The following CDCA7L variants were observed in gnomAD, a reference collection of about 807,000 sequenced individuals.
The protein encoded by CDCA7L is cell division cycle associated 7 like.
CDCA7L carries 44 observed loss-of-function variants against 57.4 expected under a neutral mutation model. The observed-to-expected ratio is 0.77, with a 90% CI of 0.60 to 0.98. The LOEUF is 0.98. Among genes scored for constraint, CDCA7L ranks in the 50% least tolerant of loss-of-function variants. The pLI is 0.00. For synonymous variants in CDCA7L, 236 were observed against 202.8 expected (o/e 1.16, Z -1.39); for missense variants, 644 against 580.6 (o/e 1.11, Z -1.12).
Position 21,911,746 on chromosome 7 carries a change from C to T in CDCA7L, c.174G>A (p.Val58=). The T allele has an allele frequency of 6.2e-7, 1 of 1,611,826 alleles. No homozygotes were observed. Among genetic ancestry groups the T allele is most frequent in the Non-Finnish European group, 8.5e-7 (1 of 1,179,460 alleles). Reference sequence around the variant, plus strand: ...CTGTGAAGTATTTGGAATGAAAGCGCACATCCTGCTAAATTAAAGACACAC... The same window carrying T: ...CTGTGAAGTATTTGGAATGAAAGCGTACATCCTGCTAAATTAAAGACACAC... ...DSLESGKQQD[V]RFHSKYFTEE... The change falls in exon 3 of 10, where the codon GTG becomes GTA. Residue 58 remains valine (V), a synonymous_variant. Transcript: ENST00000406877.
rs1485604403 is a variant in CDCA7L, at chr7:21,945,871, G to A, written c.-67C>T. 1.7e-5 allele frequency: 26 copies of A among 1,528,004 alleles called. No homozygotes were observed. Among genetic ancestry groups the A allele is most frequent in the African/African-American group, 5.8e-5 (4 of 69,342 alleles). 94.7% of individuals were successfully genotyped at this position (1,528,004 alleles called of 1,614,324 possible). A position where few individuals can be genotyped will look rare whatever the true frequency, so the allele number is the denominator to read the frequency against. ...CGGGAGCCCGGACTCACCACGGCCC[G>A]GCGCACCAAGAACGCCCCGCGCCCG... On this transcript the variant is annotated 5_prime_UTR_variant, in exon 1 of 10. Transcript: ENST00000406877.
chr7:21,902,427 CAATCATCT>C (rs1784943284), intron 9 of CDCA7L, 75 bp from the exon 10 acceptor site: 3 of 1,403,166 alleles, frequency 2.1e-6, no homozygotes, highest in Admixed American at 1.7e-5. Context: ...AGAGATTCCA[CAATCATCT>C]AAGAGTACAA....
Position 21,901,736 on chromosome 7 carries a change from G to A in CDCA7L, c.*586C>T, listed in dbSNP as rs1421720019. ...AGGCCCCAGGTGAGTCCTGAAGGAA[G>A]AGGCTAGCACTCTGTAAGGCCTCCA... On this transcript the variant is annotated 3_prime_UTR_variant, in exon 10 of 10. Transcript: ENST00000406877. 6.9e-6 allele frequency: 1 copy of A among 144,228 alleles called. No homozygotes were observed. The highest frequency in any genetic ancestry group is 1.5e-5 in the Non-Finnish European group (1 of 65,946). The allele number at this position is 144,228 out of a possible 1,614,324, so 8.9% of individuals were successfully genotyped here. A position where few individuals can be genotyped will look rare whatever the true frequency, so the allele number is the denominator to read the frequency against.
chr7:21,930,435 G>A (rs1044985507), intron 1 of CDCA7L, among the ~76,000 whole-genome samples: 10 of 151,930 alleles, frequency 6.6e-5, no homozygotes, highest in South Asian at 2.1e-4. Flanking sequence ...AGTGGCTCTC[G>A]CCTGTAATCC....
At chr7:21,907,171 G>C (rs149967888) in intron 4 of CDCA7L, among the ~76,000 whole-genome samples, 59 of 152,304 alleles carry the variant, frequency 3.9e-4, no homozygotes, top group African/African-American at 1.3e-3. Context: ...TAATATGCCA[G>C]AGAATTTAAT....
chr7:21,901,246 G>C lies in CDCA7L; in HGVS notation c.*1076C>G, dbSNP rs1562614948. 1 of 1,604,426 alleles carries C rather than the reference G, an allele frequency of 6.2e-7. No homozygotes were observed. The highest frequency in any genetic ancestry group is 1.1e-5 in the South Asian group (1 of 89,374). The stretch of plus-strand genomic sequence containing the variant: ...TCTGGCTGGAGTGGCTCTGCTTCTA[G>C]AAGCGTAAGGTAACACTGGCATTCC... On this transcript the variant is annotated 3_prime_UTR_variant, in exon 10 of 10. Coordinates refer to ENST00000406877, the MANE Select transcript of CDCA7L (RefSeq NM_018719.5).
At chr7:21,921,089 AT>A (rs1196497813) in intron 1 of CDCA7L, among the ~76,000 whole-genome samples, 1 of 152,210 alleles carries the variant, frequency 6.6e-6, no homozygotes, top group Non-Finnish European at 1.5e-5. Context: ...CAGCAACTGC[AT>A]TAGTCCCTGT....
chr7:21,915,230 A>G (rs1003171109), intron 2 of CDCA7L, among the ~76,000 whole-genome samples: 1 of 152,076 alleles, frequency 6.6e-6, no homozygotes, highest in East Asian at 1.9e-4. Context: ...GAAGGCCAAG[A>G]ACAAAAGATG....
chr7:21,942,812 G>C lies in CDCA7L; in HGVS notation c.24+2969C>G, dbSNP rs1389336490. Among the ~76,000 whole-genome samples, 5 of 152,280 alleles carry C rather than the reference G, an allele frequency of 3.3e-5. No homozygotes were observed. The East Asian group carries it at 5.8e-4, about 18-fold the overall frequency. On this transcript the variant is annotated intron_variant, in intron 1 of 9. Transcript: ENST00000406877. Reference sequence around the variant, plus strand: ...GCGTTTTAAATACAAGACTATTAGAGTGGCAAATCATTGTCCTTTCTGTGA... The same window carrying C: ...GCGTTTTAAATACAAGACTATTAGACTGGCAAATCATTGTCCTTTCTGTGA...
chr7:21,922,660 A>G (rs1785689300), intron 1 of CDCA7L, among the ~76,000 whole-genome samples: 1 of 152,240 alleles, frequency 6.6e-6, no homozygotes, highest in South Asian at 2.1e-4. Context: ...CCTAGTAGTA[A>G]TAGTAGAGGG....
At chr7:21,918,293 G>A (rs1011619796) in intron 1 of CDCA7L, among the ~76,000 whole-genome samples, 1 of 152,130 alleles carries the variant, frequency 6.6e-6, no homozygotes, top group Non-Finnish European at 1.5e-5. Context: ...TCTGCCCAAG[G>A]CTAACTGTGC....
intron 7 of CDCA7L, among the ~76,000 whole-genome samples, 166 bp from the exon 8 acceptor site, chr7:21,904,425 C>T (rs1331169110): frequency 6.6e-6 from 1 of 152,236 alleles, no homozygotes; most frequent in Non-Finnish European, 1.5e-5. Flanking sequence ...AGACCGGGGT[C>T]CCCAGCCCCC....
Position 21,901,131 on chromosome 7 carries a change from CGAGTGCCCTGTGTATA to C in CDCA7L, c.*1175_*1190del. 6.2e-7 allele frequency: 1 copy of C among 1,613,342 alleles called. No homozygotes were observed. The highest frequency in any genetic ancestry group is 8.5e-7 in the Non-Finnish European group (1 of 1,179,420). Reference sequence around the variant, plus strand: ...ACAGACAAGAAACCAAACAGACCTACGAGTGCCCTGTGTATAGAACCAAACTGAGAGGCCCCAGCTA... The same window carrying C: ...ACAGACAAGAAACCAAACAGACCTACGAACCAAACTGAGAGGCCCCAGCTA... On this transcript the variant is annotated 3_prime_UTR_variant, in exon 10 of 10. Coordinates refer to ENST00000406877, the MANE Select transcript of CDCA7L (RefSeq NM_018719.5).
chr7:21,906,736 GA>G (rs1214928507), intron 4 of CDCA7L, 97 bp from the exon 5 acceptor site: 38 of 1,136,626 alleles, frequency 3.3e-5, no homozygotes, highest in Non-Finnish European at 4.6e-5. Flanking sequence ...GCCACCATAA[GA>G]AACCTAACTT....
rs779062145 is a variant in CDCA7L, at chr7:21,904,254, G to A, written c.1053C>T (p.Asn351=). The A allele has an allele frequency of 1.2e-6, 2 of 1,603,400 alleles. No homozygotes were observed. Among genetic ancestry groups the A allele is most frequent in the Admixed American group, 3.4e-5 (2 of 58,628 alleles). ...RDKIYDKVLG[N]TCHQCRQKTI... ...TCTTTTGTCGACACTGATGGCACGT[G>A]TTACCCTACAGGGGGAAGGCAGTGA... The change falls in exon 8 of 10, where the codon AAC becomes AAT. Residue 351 remains asparagine, a synonymous_variant. Coordinates refer to ENST00000406877, the MANE Select transcript of CDCA7L (RefSeq NM_018719.5).
Position 21,945,790 on chromosome 7 carries a change from A to T in CDCA7L, c.15T>A (p.Thr5=). 4 of 1,600,530 alleles carry T rather than the reference A, an allele frequency of 2.5e-6. No homozygotes were observed. The highest frequency in any genetic ancestry group is 3.4e-6 in the Non-Finnish European group (4 of 1,174,850). Residue 5 remains threonine (T), a synonymous_variant, in exon 1 of 10, where the codon ACT becomes ACA. Coordinates refer to ENST00000406877, the MANE Select transcript of CDCA7L (RefSeq NM_018719.5). Reference sequence around the variant, plus strand: ...GCGGCCGGACCCTCACCTGGTAGCGAGTCGCCAACTCCATTCTTCCTAACC... The same window carrying T: ...GCGGCCGGACCCTCACCTGGTAGCGTGTCGCCAACTCCATTCTTCCTAACC... The part of the protein sequence containing the change: MELA[T]RYQIPKEVAD...
rs758104439 is a variant in CDCA7L at position 21,906,293 on chromosome 7, A to T, written c.917T>A (p.Ile306Asn). The part of the protein sequence containing the change: ...EFYSFRRRKT[I>N]GGKCREYRRR... ...CATGTATTAGTCAGAAAATACCCCAATTGTCTTCCTTCTTCGGAAGCTGTA... is the reference window on the plus strand; with the variant it reads ...CATGTATTAGTCAGAAAATACCCCATTTGTCTTCCTTCTTCGGAAGCTGTA... The change falls in exon 6 of 10, where the codon ATT becomes AAT. Residue 306 changes from isoleucine (I) to asparagine (N), a missense_variant. Coordinates refer to ENST00000406877, the MANE Select transcript of CDCA7L (RefSeq NM_018719.5). 1.3e-6 allele frequency: 2 copies of T among 1,593,838 alleles called. No individual in the cohort carries two copies. The highest frequency in any genetic ancestry group is 3.6e-5 in the Admixed American group (2 of 55,494).
rs374565884 is a variant in CDCA7L, at chr7:21,917,887, AATTAAC to A, written c.25-999_25-994del. Among the ~76,000 whole-genome samples, 16 of 80,034 alleles carry A rather than the reference AATTAAC, an allele frequency of 2.0e-4. No homozygotes were observed. The East Asian group carries it at 0.011, about 54-fold the overall frequency. The allele number at this position is 80,034 out of a possible 152,430, so 52.5% of individuals were successfully genotyped here. On this transcript the variant is annotated intron_variant, in intron 1 of 9. Coordinates refer to ENST00000406877, the MANE Select transcript of CDCA7L (RefSeq NM_018719.5). ...ACAAAACCATAATTGTACCGAAAAT[AATTAAC>A]ATTAATTCAATAGTACGATTTACTG...
intron 1 of CDCA7L, among the ~76,000 whole-genome samples, chr7:21,935,973 A>C (rs561243407): frequency 6.6e-6 from 1 of 152,040 alleles, no homozygotes; most frequent in East Asian, 1.9e-4. Flanking sequence ...GTGCCACTAC[A>C]CTCCAGCCTG....
Sources: allele counts gnomAD v4.1 joint callset (sites outside exome capture counted in the v4.1 genomes callset), GRCh38; gene constraint gnomAD v4.1.1; transcripts MANE v1.5; gene names NCBI Gene and HGNC (gene_info 2026-07-23, HGNC 2026-07-21).